The following MCCC2 variants were observed in gnomAD, a reference collection of about 807,000 sequenced individuals.
The protein encoded by MCCC2 is methylcrotonoyl-CoA carboxylase beta chain, mitochondrial.
Under a neutral mutation model 77.2 loss-of-function variants are expected in MCCC2, and 52 were observed. The ratio of observed to expected loss-of-function variants is 0.67; its 90% CI spans 0.54 to 0.85. The LOEUF (loss-of-function observed/expected upper bound fraction) is 0.85. MCCC2 is among the 40% of genes least tolerant of loss of function. MCCC2 has a pLI of 0.00. For synonymous variants in MCCC2, 253 were observed against 248.4 expected (o/e 1.02, Z -0.18); for missense variants, 682 against 703.2 (o/e 0.97, Z 0.34).
chr5:71,633,131 A>ATATATTTTTTTTTTTTTT (rs1554137344), intron 8 of MCCC2, among the ~76,000 whole-genome samples: 5 of 78,070 alleles, frequency 6.4e-5, no homozygotes, highest in East Asian at 4.9e-4. Flanking sequence ...ATATATATAT[A>ATATATTTTTTTTTTTTTT]TTTTTATTTT....
chr5:71,638,883 TAC>T (rs1348567639), intron 10 of MCCC2, among the ~76,000 whole-genome samples: 10 of 152,214 alleles, frequency 6.6e-5, no homozygotes, highest in Non-Finnish European at 1.5e-4. Flanking sequence ...CTCCGTGGGC[TAC>T]AGAGTGGATG....
chr5:71,632,202 T>G lies in MCCC2; in HGVS notation c.803+17T>G. 1 of 1,613,006 alleles carries G rather than the reference T, an allele frequency of 6.2e-7. No homozygotes were observed. ...TCATTGCAGGTGAAACAGAAATGGT[T>G]GTTTCTTTCCGGGATTGAGTGTCAT... On this transcript the variant is annotated intron_variant, in intron 8 of 16. Transcript: ENST00000340941.
rs1278216670 is a variant in MCCC2 at position 71,652,837 on chromosome 5, G to A, written c.1574+83G>A. ...GCTTTACAGAGCTCTGTGTAGTTGA[G>A]ATGGTCCAGCATTCATAGGAACTGG... On this transcript the variant is annotated intron_variant, in intron 16 of 16. Coordinates refer to ENST00000340941, the MANE Select transcript of MCCC2 (RefSeq NM_022132.5). 3 of 1,123,470 alleles carry A rather than the reference G, an allele frequency of 2.7e-6. No homozygotes were observed. The East Asian group carries it at 7.1e-5, about 26-fold the overall frequency. The allele number at this position is 1,123,470 out of a possible 1,614,324, so 69.6% of individuals were successfully genotyped here.
At chr5:71,594,320 G>A in intron 2 of MCCC2, among the ~76,000 whole-genome samples, 1 of 152,122 alleles carries the variant, frequency 6.6e-6, no homozygotes, top group East Asian at 1.9e-4. Context: ...CATGAAGTCA[G>A]GAGTTCGAGA....
At chr5:71,622,620 G>A (rs776424468) in intron 6 of MCCC2, among the ~76,000 whole-genome samples, 22 of 152,098 alleles carry the variant, frequency 1.4e-4, no homozygotes, top group Non-Finnish European at 2.9e-4. Flanking sequence ...GCTACTTTCT[G>A]TCTATAGATT....
At chr5:71,649,983 C>T in intron 14 of MCCC2, 86 bp from the exon 15 acceptor site, 4 of 985,234 alleles carry the variant, frequency 4.1e-6, no homozygotes, top group Non-Finnish European at 4.8e-6. Context: ...AATCAGGAAC[C>T]ACTAATTTAA....
At chr5:71,597,768 G>C (rs1445811877) in intron 3 of MCCC2, among the ~76,000 whole-genome samples, 1 of 152,124 alleles carries the variant, frequency 6.6e-6, no homozygotes, top group Non-Finnish European at 1.5e-5. Context: ...ATATATACCA[G>C]ACACCTACAT....
intron 15 of MCCC2, among the ~76,000 whole-genome samples, chr5:71,652,068 T>G (rs1301625432): frequency 6.6e-6 from 1 of 152,220 alleles, no homozygotes; most frequent in Non-Finnish European, 1.5e-5. Flanking sequence ...AGTTGCTTTT[T>G]GAGTTGAAAG....
intron 1 of MCCC2, among the ~76,000 whole-genome samples, chr5:71,590,343 G>C (rs1744924518): frequency 6.6e-6 from 1 of 152,192 alleles, no homozygotes; most frequent in Non-Finnish European, 1.5e-5. Context: ...AGTCTGATGG[G>C]CTGAGCTTGG....
chr5:71,600,528 TG>T (rs1745385574), intron 4 of MCCC2, among the ~76,000 whole-genome samples: 1 of 152,052 alleles, frequency 6.6e-6, no homozygotes, highest in Admixed American at 6.6e-5. Flanking sequence ...TGGCATCAAA[TG>T]ATCTTCCTGC....
In MCCC2 at chr5:71,633,094, TATATATATA is replaced by T. The variant is rs1561841229; in HGVS notation, c.803+910_803+918del. Among the ~76,000 whole-genome samples the T allele has an allele frequency of 1.4e-3, 9 of 6,356 alleles. No homozygotes were observed. In the East Asian group the frequency reaches 0.03, roughly 21 times the overall value. The allele number at this position is 6,356 out of a possible 152,430, so 4.2% of individuals were successfully genotyped here. A position where few individuals can be genotyped will look rare whatever the true frequency, so the allele number is the denominator to read the frequency against. On this transcript the variant is annotated intron_variant, in intron 8 of 16. Coordinates refer to ENST00000340941, the MANE Select transcript of MCCC2 (RefSeq NM_022132.5). ...GAGGAGGGTTTTTTTTTCAGTTTTATATATATATATATATATATATATATATATATATAT... is the reference window on the plus strand; with the variant it reads ...GAGGAGGGTTTTTTTTTCAGTTTTATTATATATATATATATATATATATAT...
At chr5:71,604,546 C>T in intron 6 of MCCC2, 78 bp downstream of exon 6, 1 of 1,085,726 alleles carries the variant, frequency 9.2e-7, no homozygotes, top group Non-Finnish European at 1.4e-6. Context: ...TCTGGGATGG[C>T]TTGAAAGTAA....
intron 6 of MCCC2, among the ~76,000 whole-genome samples, chr5:71,608,740 G>A (rs1170396443): frequency 3.3e-5 from 5 of 151,904 alleles, no homozygotes; most frequent in Non-Finnish European, 5.9e-5. Flanking sequence ...CATGTTTAGC[G>A]CTTCCTTTTT....
intron 15 of MCCC2, 68 bp from the exon 16 acceptor site, chr5:71,652,601 A>T (rs1747464851): frequency 1.7e-6 from 2 of 1,183,224 alleles, no homozygotes; most frequent in African/African-American, 3.0e-5. Context: ...TTTCTTTTGA[A>T]TTGAGATGAT....
intron 15 of MCCC2, among the ~76,000 whole-genome samples, chr5:71,651,825 A>G (rs1314779560): frequency 3.3e-5 from 5 of 152,170 alleles, no homozygotes; most frequent in Non-Finnish European, 7.3e-5. Context: ...CTTCAAAGAC[A>G]TGTCTGAAAC....
chr5:71,639,010 T>C (rs972243862), intron 10 of MCCC2, among the ~76,000 whole-genome samples: 1 of 152,204 alleles, frequency 6.6e-6, no homozygotes, highest in African/African-American at 2.4e-5. Flanking sequence ...TCTTTTTTTC[T>C]GAGTAGTAGG....
chr5:71,611,831 C>T (rs1297309378), intron 6 of MCCC2, among the ~76,000 whole-genome samples: 2 of 150,962 alleles, frequency 1.3e-5, no homozygotes, highest in African/African-American at 4.9e-5. Flanking sequence ...CTCTGTTGCC[C>T]AGGCTGGAGT....
chr5:71,643,515 A>G (rs1365933905), intron 11 of MCCC2, among the ~76,000 whole-genome samples: 1 of 152,244 alleles, frequency 6.6e-6, no homozygotes, highest in African/African-American at 2.4e-5. Context: ...GGTACATACT[A>G]GACACTCAGA....
chr5:71,650,206 T>C, intron 15 of MCCC2, 23 bp downstream of exon 15: 1 of 1,606,538 alleles, frequency 6.2e-7, no homozygotes, highest in Non-Finnish European at 8.5e-7. Context: ...TTCTCTTGTT[T>C]CTCTCTGGTT....
Sources: allele counts gnomAD v4.1 joint callset (sites outside exome capture counted in the v4.1 genomes callset), GRCh38; gene constraint gnomAD v4.1.1; transcripts MANE v1.5; gene names NCBI Gene and HGNC (gene_info 2026-07-23, HGNC 2026-07-21).